Variants in FAM107A observed in about 807,000 individuals in gnomAD.
FAM107A encodes the protein actin-associated protein FAM107A.
FAM107A carries 19 observed loss-of-function variants against 13.7 expected under a neutral mutation model. That is an observed-to-expected ratio of 1.38 (90% CI 0.97 to 2.03). The LOEUF is 2.03. Ranked by LOEUF, FAM107A falls within the 30% of genes most tolerant of loss-of-function variation. The pLI is 0.00. For synonymous variants in FAM107A, 82 were observed against 74.5 expected (o/e 1.10, Z -0.52); for missense variants, 203 against 184.4 (o/e 1.10, Z -0.58).
intron 1 of FAM107A, among the ~76,000 whole-genome samples, chr3:58,622,619 T>C (rs866959381): frequency 4.6e-5 from 7 of 152,126 alleles, no homozygotes; most frequent in Non-Finnish European, 8.8e-5. Context: ...CAAGAGCAGG[T>C]GGGGCAAGCC....
At position 58,577,322 on chromosome 3, in the gene FAM107A, T is replaced by G. The variant is rs1332559077; in HGVS notation, c.-19A>C. On this transcript the variant is annotated 5_prime_UTR_variant, in exon 1 of 4. Coordinates refer to ENST00000360997, the MANE Select transcript of FAM107A (RefSeq NM_001076778.3). This position sits in a 1 kb window ranked among gnomAD's most constrained non-coding sequence, Gnocchi z 4.9. ...AGATGGTCTTACTTCTCAGGTCGAGTCCTTGGGAAGGGAAGTCAGGAGCGT... is the reference window on the plus strand; with the variant it reads ...AGATGGTCTTACTTCTCAGGTCGAGGCCTTGGGAAGGGAAGTCAGGAGCGT... 2.0e-6 allele frequency: 2 copies of G among 985,142 alleles called. No homozygotes were observed. Among genetic ancestry groups the G allele is most frequent in the Admixed American group, 6.2e-5 (1 of 16,242 alleles). 61.0% of individuals were successfully genotyped at this position (985,142 alleles called of 1,614,324 possible).
At chr3:58,581,755 C>A (rs979006487), upstream of FAM107A, among the ~76,000 whole-genome samples, 3 of 152,146 alleles carry the variant, frequency 2.0e-5, no homozygotes, top group Non-Finnish European at 1.5e-5. Context: ...GAAGAATTTA[C>A]CCAGTTGAGG....
intron 1 of FAM107A, among the ~76,000 whole-genome samples, chr3:58,605,027 C>A (rs574810067): frequency 1.3e-5 from 2 of 152,356 alleles, no homozygotes; most frequent in South Asian, 4.1e-4. Context: ...AGTCCAGGCT[C>A]TTTCCAAGTC....
chr3:58,594,684 T>C (rs2065683684), intron 1 of FAM107A, among the ~76,000 whole-genome samples: 1 of 152,186 alleles, frequency 6.6e-6, no homozygotes, highest in African/African-American at 2.4e-5. Context: ...ACACCAACAC[T>C]TCACTGTTGT....
intron 1 of FAM107A, among the ~76,000 whole-genome samples, chr3:58,615,110 C>T (rs2065889707): frequency 6.6e-6 from 1 of 152,198 alleles, no homozygotes; most frequent in Admixed American, 6.5e-5. Context: ...CTGGCCCAAG[C>T]CAATAGGATT....
chr3:58,567,409 G>T (rs370930874), intron 2 of FAM107A, 45 bp from the exon 3 acceptor site: 20 of 1,567,230 alleles, frequency 1.3e-5, no homozygotes, highest in Non-Finnish European at 1.7e-5. Context: ...TCACCTTCCC[G>T]CTTCCCCCAG....
rs148730597 is a variant in FAM107A, at chr3:58,584,328, A to T, written c.79+2530T>A. ...TGCACCTTGGAAAACAGAGGCCAAT[A>T]AATATTAGCTGGATGAATAAATGAA... On this transcript the variant is annotated intron_variant, in intron 1 of 3. Transcript: ENST00000447756. 1.9e-3 allele frequency among the ~76,000 whole-genome samples: 287 copies of T among 152,288 alleles called. 2 individuals carry two copies. The highest frequency in any genetic ancestry group is 6.8e-3 in the African/African-American group (281 of 41,564).
upstream of FAM107A, among the ~76,000 whole-genome samples, chr3:58,579,095 G>T (rs1210434406): frequency 2.0e-5 from 3 of 152,192 alleles, no homozygotes; most frequent in Non-Finnish European, 4.4e-5. Context: ...TGAACGCAAG[G>T]CTGGGTGAGG....
intron 1 of FAM107A, among the ~76,000 whole-genome samples, chr3:58,615,198 T>G (rs2065890666): frequency 2.6e-5 from 4 of 152,218 alleles, no homozygotes; most frequent in African/African-American, 9.6e-5. Context: ...GGAACCAACT[T>G]TTGGCCATCT....
chr3:58,578,710 G>A (rs10866020), upstream of FAM107A, among the ~76,000 whole-genome samples: 64,076 of 152,094 alleles, frequency 0.42, 14,342 homozygotes, highest in East Asian at 0.51. Flanking sequence ...AGCTGGAAGT[G>A]TTTTCTATCG....
rs559748589 is a variant in FAM107A, at chr3:58,617,628, G to A, written c.-70+9788C>T. On this transcript the variant is annotated intron_variant, in intron 1 of 3. Transcript: ENST00000465970. The surrounding 1 kb of genome is among the most constrained non-coding windows in gnomAD (Gnocchi z 4.5). ...AAGCCGATCCCTGGGGCCCAGGGAG[G>A]GAGCTGCGTTTTTGGGTTTCTGCCT... 6.6e-6 allele frequency among the ~76,000 whole-genome samples: 1 copy of A among 152,230 alleles called. No homozygotes were observed. The highest frequency in any genetic ancestry group is 1.9e-4 in the East Asian group (1 of 5,178).
chr3:58,576,259 C>T (rs920859655), intron 1 of FAM107A, among the ~76,000 whole-genome samples: 20 of 152,360 alleles, frequency 1.3e-4, no homozygotes, highest in African/African-American at 4.1e-4. Flanking sequence ...CATTTTGCCT[C>T]AGGTCCGTTG....
chr3:58,572,252 G>A (rs2063691455), intron 1 of FAM107A, among the ~76,000 whole-genome samples: 1 of 152,138 alleles, frequency 6.6e-6, no homozygotes, highest in Non-Finnish European at 1.5e-5. Flanking sequence ...AACTAAACAA[G>A]TGAGATCCCG....
intron 1 of FAM107A, among the ~76,000 whole-genome samples, chr3:58,571,153 G>A (rs2063679817): frequency 1.3e-5 from 2 of 152,340 alleles, no homozygotes; most frequent in South Asian, 4.1e-4. Flanking sequence ...TTGACGGGGT[G>A]CACGTTGCAA....
rs1320243877 is a variant in FAM107A, at chr3:58,569,388, A to AT, written c.170+302dup. On this transcript the variant is annotated intron_variant, in intron 2 of 3. Coordinates refer to ENST00000360997, the MANE Select transcript of FAM107A (RefSeq NM_001076778.3). This position sits in a 1 kb window ranked among gnomAD's most constrained non-coding sequence, Gnocchi z 5.7. ...GGAACTGGGTCCCATTCATTCTTGT[A>AT]TCCCCAGGTCTGGGCTCAGTGCCCA... 1.3e-5 allele frequency among the ~76,000 whole-genome samples: 2 copies of AT among 152,074 alleles called. No individual in the cohort carries two copies. The highest frequency in any genetic ancestry group is 4.8e-5 in the African/African-American group (2 of 41,408).
At chr3:58,615,837 A>G (rs941778804) in intron 1 of FAM107A, among the ~76,000 whole-genome samples, 4 of 148,774 alleles carry the variant, frequency 2.7e-5, no homozygotes, top group African/African-American at 1.0e-4. Flanking sequence ...CAGAGGTTGC[A>G]ATGAGCCAAG....
chr3:58,580,280 T>C (rs987151076), upstream of FAM107A, among the ~76,000 whole-genome samples: 2 of 151,770 alleles, frequency 1.3e-5, no homozygotes, highest in Non-Finnish European at 1.5e-5. Flanking sequence ...TGGAGGCAAA[T>C]ACACTAATCT....
chr3:58,587,146 G>A, upstream of FAM107A: 1 of 1,345,216 alleles, frequency 7.4e-7, no homozygotes, highest in Non-Finnish European at 9.5e-7. Context: ...AGGTGTCCGC[G>A]CCCAGGTAGC....
chr3:58,595,463 C>G (rs1357943609), intron 1 of FAM107A, among the ~76,000 whole-genome samples: 1 of 152,144 alleles, frequency 6.6e-6, no homozygotes, highest in Non-Finnish European at 1.5e-5. Context: ...ACAATACACC[C>G]TCCCTGCCCT....
Sources: gnomAD v4.1 joint callset for allele counts (sites outside exome capture counted in the v4.1 genomes callset) on GRCh38, gnomAD v4.1.1 for gene constraint, Gnocchi (gnomAD v3.1) non-coding constraint, MANE v1.5 for transcripts, NCBI Gene and HGNC (gene_info 2026-07-23, HGNC 2026-07-21) for gene names.